Variants in MEOX2 observed in about 807,000 individuals in gnomAD.
MEOX2 encodes the protein homeobox protein MOX-2.
Under a neutral mutation model 27.0 loss-of-function variants are expected in MEOX2, and 11 were observed. The observed-to-expected ratio is 0.41, with a 90% CI of 0.26 to 0.68. MEOX2 has a LOEUF of 0.68. MEOX2 is among the 30% of genes least tolerant of loss of function. The pLI is 0.33. For missense variants in MEOX2, 436 were observed against 385.4 expected, an observed-to-expected ratio of 1.13 and a Z score of -1.10; for synonymous variants, 189 against 155.4, an observed-to-expected ratio of 1.22 and a Z score of -1.61.
At chr7:15,628,951 T>A (rs1216274869) in intron 1 of MEOX2, among the ~76,000 whole-genome samples, 2 of 152,082 alleles carry the variant, frequency 1.3e-5, no homozygotes, top group African/African-American at 4.8e-5. Context: ...GAAAGAACTT[T>A]TGCCAATTTG....
Position 15,612,536 on chromosome 7 carries a change from C to G in MEOX2, c.766G>C (p.Glu256Gln). The G allele has an allele frequency of 1.2e-6, 2 of 1,614,176 alleles. No homozygotes were observed. The highest frequency in any genetic ancestry group is 1.7e-6 in the Non-Finnish European group (2 of 1,180,038). ...KGGQQGAAAR[E>Q]KELVNVKKGT... ...TTTTTCACATTCACCAGTTCCTTTTCCCGAGCCGCAGCTCCTTGCTGTCCA... is the reference window on the plus strand; with the variant it reads ...TTTTTCACATTCACCAGTTCCTTTTGCCGAGCCGCAGCTCCTTGCTGTCCA... The change falls in exon 3 of 3, where the codon GAA (glutamate) becomes CAA (glutamine). Residue 256 changes from glutamate (E) to glutamine (Q), a missense_variant. Coordinates refer to ENST00000262041, the MANE Select transcript of MEOX2 (RefSeq NM_005924.5).
chr7:15,633,642 G>A (rs17168936), intron 1 of MEOX2, among the ~76,000 whole-genome samples: 7,385 of 151,964 alleles, frequency 0.049, 234 homozygotes, highest in African/African-American at 0.099. Flanking sequence ...CAGAGTGTAA[G>A]GACTAGCATT....
intron 1 of MEOX2, among the ~76,000 whole-genome samples, chr7:15,639,955 G>A (rs186753724): frequency 1.7e-3 from 252 of 152,028 alleles, no homozygotes; most frequent in South Asian, 3.5e-3. Flanking sequence ...GATTGCTTTG[G>A]CTATTTGAGC....
chr7:15,630,773 A>C (rs1051723700), intron 1 of MEOX2, among the ~76,000 whole-genome samples: 6 of 152,172 alleles, frequency 3.9e-5, no homozygotes, highest in African/African-American at 1.4e-4. Context: ...AGTCAGAAAA[A>C]TTTATGAAAT....
chr7:15,633,097 C>T (rs1402507799), intron 1 of MEOX2, among the ~76,000 whole-genome samples: 1 of 151,934 alleles, frequency 6.6e-6, no homozygotes, highest in Non-Finnish European at 1.5e-5. Flanking sequence ...ATGCTTACCA[C>T]ATTATGTCAC....
chr7:15,625,383 T>C (rs1781287419), intron 2 of MEOX2, among the ~76,000 whole-genome samples: 1 of 152,174 alleles, frequency 6.6e-6, no homozygotes, highest in Admixed American at 6.6e-5. Flanking sequence ...CTCCATAACA[T>C]AGGTACTAGT....
chr7:15,665,480 C>A (rs1781986064), intron 1 of MEOX2, among the ~76,000 whole-genome samples: 1 of 152,164 alleles, frequency 6.6e-6, no homozygotes, highest in East Asian at 1.9e-4. Context: ...TATAGATTTA[C>A]TTGTCATTTT....
chr7:15,666,707 G>T (rs1222889673), intron 1 of MEOX2, among the ~76,000 whole-genome samples: 2 of 131,280 alleles, frequency 1.5e-5, no homozygotes, highest in South Asian at 2.5e-4. Flanking sequence ...AGCCGAGATC[G>T]TGCCACTGCA....
chr7:15,660,385 T>C (rs987785973), intron 1 of MEOX2, among the ~76,000 whole-genome samples: 2 of 152,134 alleles, frequency 1.3e-5, no homozygotes, highest in Non-Finnish European at 2.9e-5. Flanking sequence ...GCCTGAAGAA[T>C]AGAAACCTGA....
intron 1 of MEOX2, among the ~76,000 whole-genome samples, chr7:15,651,591 A>G (rs940548208): frequency 4.3e-4 from 66 of 152,124 alleles, no homozygotes; most frequent in African/African-American, 1.5e-3. Flanking sequence ...GAATGAGGAA[A>G]CTGAGGCACA....
chr7:15,685,252 C>T (rs1211776139), intron 1 of MEOX2, among the ~76,000 whole-genome samples: 1 of 152,110 alleles, frequency 6.6e-6, no homozygotes, highest in African/African-American at 2.4e-5. Context: ...TGACACATTC[C>T]TTAAAATCTG....
chr7:15,680,398 G>A (rs1460115763), intron 1 of MEOX2: 1 of 151,864 alleles, frequency 6.6e-6, no homozygotes, highest in Non-Finnish European at 1.5e-5. Flanking sequence ...GATTAATTCT[G>A]CCTCTAACGC....
At chr7:15,640,441 G>A (rs1200172950) in intron 1 of MEOX2, among the ~76,000 whole-genome samples, 2 of 152,066 alleles carry the variant, frequency 1.3e-5, no homozygotes, top group Admixed American at 1.3e-4. Flanking sequence ...AATGTTTAGA[G>A]TTTTCCAGAT....
chr7:15,643,789 G>A (rs1233194062), intron 1 of MEOX2, among the ~76,000 whole-genome samples: 2 of 152,188 alleles, frequency 1.3e-5, no homozygotes, highest in Non-Finnish European at 2.9e-5. Flanking sequence ...GGCTCCTCCT[G>A]TAGTCAAGAT....
chr7:15,618,377 T>C (rs1277131693), intron 2 of MEOX2, among the ~76,000 whole-genome samples: 2 of 152,024 alleles, frequency 1.3e-5, no homozygotes, highest in Non-Finnish European at 2.9e-5. Context: ...GTTATAAAAT[T>C]ACTGAATAGC....
intron 1 of MEOX2, among the ~76,000 whole-genome samples, chr7:15,651,608 C>T (rs1345602845): frequency 6.6e-6 from 1 of 151,834 alleles, no homozygotes; most frequent in Non-Finnish European, 1.5e-5. Context: ...CACAAGAAGT[C>T]CAGTAGCACA....
Position 15,666,590 on chromosome 7 carries a change from A to C in MEOX2, c.517+19296T>G, listed in dbSNP as rs544841445. 9.9e-5 allele frequency among the ~76,000 whole-genome samples: 15 copies of C among 151,088 alleles called. No homozygotes were observed. The East Asian group carries it at 3.0e-3, about 30-fold the overall frequency. Reference sequence around the variant, plus strand: ...AACACGGTGAAACCCTGTCTCTACTAAAATACAAAAAATTAGCCGGGCGTT... The same window carrying C: ...AACACGGTGAAACCCTGTCTCTACTCAAATACAAAAAATTAGCCGGGCGTT... On this transcript the variant is annotated intron_variant, in intron 1 of 2. Transcript: ENST00000262041.
At chr7:15,675,641 T>C (rs1234948021) in intron 1 of MEOX2, among the ~76,000 whole-genome samples, 1 of 152,226 alleles carries the variant, frequency 6.6e-6, no homozygotes, top group Non-Finnish European at 1.5e-5. Flanking sequence ...TTGAACTGGG[T>C]AGTGCCTTGA....
chr7:15,626,856 AT>A lies in MEOX2; in HGVS notation c.579del (p.Phe194LeufsTer22). 2 of 1,612,140 alleles carry A rather than the reference AT, an allele frequency of 1.2e-6. No individual in the cohort carries two copies. Among genetic ancestry groups the A allele is most frequent in the Non-Finnish European group, 1.7e-6 (2 of 1,179,382 alleles). On this transcript the variant is annotated frameshift_variant, in exon 2 of 3. Transcript: ENST00000262041. LOFTEE classifies it high-confidence loss of function. ...VNSKPRKERTAFTKEQIRELE... is the reference protein window; with the variant it reads ...VNSKPRKERTXFTKEQIRELE... ...AGTTCTCTGATTTGCTCTTTGGTAA[AT>A]GCTGTCCTTTCTTTCCTGGGTTTGC...
Sources: allele counts gnomAD v4.1 joint callset (sites outside exome capture counted in the v4.1 genomes callset), GRCh38; gene constraint gnomAD v4.1.1; transcripts MANE v1.5; gene names NCBI Gene and HGNC (gene_info 2026-07-23, HGNC 2026-07-21).